WDR43: variants seen among roughly 807,000 people sequenced by gnomAD.
The protein encoded by WDR43 is WD repeat domain 43.
WDR43 carries 13 observed loss-of-function variants against 91.4 expected under a neutral mutation model. The observed-to-expected ratio is 0.14, with a 90% CI of 0.09 to 0.23. WDR43 has a LOEUF of 0.23. WDR43 is among the 10% of genes least tolerant of loss of function. WDR43 has a pLI of 1.00. For missense variants in WDR43, 780 were observed against 809.4 expected, an observed-to-expected ratio of 0.96 and a Z score of 0.44; for synonymous variants, 331 against 287.9, an observed-to-expected ratio of 1.15 and a Z score of -1.51.
intron 9 of WDR43, 157 bp from the exon 10 acceptor site, chr2:28,927,412 C>A: frequency 1.1e-6 from 1 of 931,984 alleles, no homozygotes. Flanking sequence ...AAAAGTTTGT[C>A]AACATTCAAT....
rs1229618605 is a variant in WDR43, at chr2:28,946,761, T to C, written c.2016T>C (p.Asn672=). 6.3e-7 allele frequency: 1 copy of C among 1,580,800 alleles called. No homozygotes were observed. The highest frequency in any genetic ancestry group is 8.6e-7 in the Non-Finnish European group (1 of 1,164,678). Residue 672 remains asparagine, a synonymous_variant, in exon 18 of 18, where the codon AAT becomes AAC. Transcript: ENST00000407426. The part of the protein sequence containing the change: ...LNGDSDLDPE[N]ESEEE ...GAGATTCTGATTTAGATCCTGAAAA[T>C]GAAAGTGAAGAAGAATGAAGACAGC...
At chr2:28,898,681 G>A (rs538971156) in intron 1 of WDR43, among the ~76,000 whole-genome samples, 4 of 151,912 alleles carry the variant, frequency 2.6e-5, no homozygotes, top group African/African-American at 9.7e-5. Flanking sequence ...AATAAACTTA[G>A]TGGATTGTAA....
chr2:28,916,505 T>G (rs1237398829), intron 5 of WDR43, among the ~76,000 whole-genome samples: 1 of 152,230 alleles, frequency 6.6e-6, no homozygotes, highest in African/African-American at 2.4e-5. Flanking sequence ...GCTGGGATGT[T>G]AAGATTCATG....
intron 1 of WDR43, among the ~76,000 whole-genome samples, chr2:28,896,354 T>C (rs951688492): frequency 4.6e-5 from 7 of 152,178 alleles, no homozygotes; most frequent in African/African-American, 1.4e-4. Context: ...ATCTTCTTCA[T>C]AGAGTGGTTG....
intron 5 of WDR43, among the ~76,000 whole-genome samples, chr2:28,915,607 G>C (rs1405722023): frequency 6.6e-6 from 1 of 152,208 alleles, no homozygotes; most frequent in Non-Finnish European, 1.5e-5. Flanking sequence ...AAAGGAAAAT[G>C]TTAAAACCCA....
intron 6 of WDR43, among the ~76,000 whole-genome samples, chr2:28,918,445 CACG>C (rs1215960092): frequency 3.3e-5 from 5 of 151,836 alleles, no homozygotes; most frequent in Non-Finnish European, 7.4e-5. Context: ...CGCGACTAAC[CACG>C]ACCTCTGCCT....
intron 4 of WDR43, chr2:28,913,864 A>G (rs1200486360): frequency 1.6e-5 from 11 of 695,940 alleles, no homozygotes; most frequent in Non-Finnish European, 2.8e-5. Context: ...CTAAATTTTC[A>G]GTATTTTCAG....
intron 4 of WDR43, chr2:28,913,710 A>G (rs1490113117): frequency 9.5e-6 from 5 of 528,148 alleles, no homozygotes; most frequent in Admixed American, 7.7e-5. Context: ...CACTGAGAGT[A>G]AAATGAGGAC....
Position 28,936,890 on chromosome 2 carries a change from G to A in WDR43, c.1525-32G>A, listed in dbSNP as rs577441421. On this transcript the variant is annotated intron_variant, in intron 12 of 17. Coordinates refer to ENST00000407426, the MANE Select transcript of WDR43 (RefSeq NM_015131.3). ...TGACAGCATTGGTTGCCTCTGAAGT[G>A]CTGTTGTTAATAGTGTTTTTCTCTC... is the stretch of plus-strand genomic sequence containing the variant. 1.0e-5 allele frequency: 16 copies of A among 1,558,484 alleles called. 1 individual carries two copies. In the African/African-American group the frequency reaches 1.5e-4, roughly 15 times the overall value.
At chr2:28,906,422 G>T in intron 2 of WDR43, 38 bp from the exon 3 acceptor site, 2 of 1,512,306 alleles carry the variant, frequency 1.3e-6, no homozygotes, top group South Asian at 2.5e-5. Context: ...AGGAGTTTGA[G>T]ACCAGCCTTA....
chr2:28,933,565 G>A (rs1671286919), intron 11 of WDR43, among the ~76,000 whole-genome samples: 1 of 152,150 alleles, frequency 6.6e-6, no homozygotes, highest in Non-Finnish European at 1.5e-5. Flanking sequence ...TCTGTTCTTG[G>A]AAAAACAGTG....
intron 14 of WDR43, among the ~76,000 whole-genome samples, chr2:28,940,536 G>A (rs973183754): frequency 1.3e-5 from 2 of 152,128 alleles, no homozygotes; most frequent in African/African-American, 2.4e-5. Flanking sequence ...AGCTGCCAGC[G>A]TTGTTCTTAG....
intron 12 of WDR43, 129 bp from the exon 13 acceptor site, chr2:28,936,791 CTG>C: frequency 1.3e-6 from 1 of 796,994 alleles, no homozygotes; most frequent in Non-Finnish European, 2.1e-6. Flanking sequence ...TATTCATAGA[CTG>C]TATTATGCGG....
intron 6 of WDR43, among the ~76,000 whole-genome samples, chr2:28,920,221 T>TTTC (rs1670996384): frequency 2.0e-5 from 2 of 101,184 alleles, no homozygotes; most frequent in South Asian, 6.3e-4. Flanking sequence ...ATTTTTTTTC[T>TTTC]TTCTTTTTTT....
At chr2:28,940,725 A>G (rs773528569) in intron 14 of WDR43, among the ~76,000 whole-genome samples, 11 of 152,164 alleles carry the variant, frequency 7.2e-5, no homozygotes, top group Non-Finnish European at 1.5e-4. Context: ...TTCCTTTCAT[A>G]TTGTTAAAAA....
intron 6 of WDR43, among the ~76,000 whole-genome samples, chr2:28,918,895 G>T (rs1670966909): frequency 6.6e-6 from 1 of 152,034 alleles, no homozygotes; most frequent in Non-Finnish European, 1.5e-5. Flanking sequence ...ATTTAGTTTT[G>T]AAATGCATAT....
At chr2:28,922,814 TCTG>T in intron 6 of WDR43, 102 bp from the exon 7 acceptor site, 1 of 472,702 alleles carries the variant, frequency 2.1e-6, no homozygotes, top group Non-Finnish European at 3.4e-6. Context: ...TTTTTTTTTT[TCTG>T]GTTGTGTAAT....
At chr2:28,896,489 A>G (rs1274134849) in intron 1 of WDR43, among the ~76,000 whole-genome samples, 1 of 152,226 alleles carries the variant, frequency 6.6e-6, no homozygotes, top group African/African-American at 2.4e-5. Context: ...GTTGATAAGG[A>G]ACTTTCTGCC....
rs1485607287 is a variant in WDR43 at position 28,946,892 on chromosome 2, G to A, written c.*113G>A. The A allele has an allele frequency of 3.2e-6, 4 of 1,260,906 alleles. No individual in the cohort carries two copies. The Admixed American group carries it at 1.2e-4, about 36-fold the overall frequency. The allele number at this position is 1,260,906 out of a possible 1,614,324, so 78.1% of individuals were successfully genotyped here. A position where few individuals can be genotyped will look rare whatever the true frequency, so the allele number is the denominator to read the frequency against. ...ACCGCTGCACATTTCCAAATTCACA[G>A]CAGTGGATCCCATGCCACTTTGCTG... On this transcript the variant is annotated 3_prime_UTR_variant, in exon 18 of 18. Coordinates refer to ENST00000407426, the MANE Select transcript of WDR43 (RefSeq NM_015131.3).
Sources: gnomAD v4.1 joint callset for allele counts (sites outside exome capture counted in the v4.1 genomes callset) on GRCh38, gnomAD v4.1.1 for gene constraint, MANE v1.5 for transcripts, NCBI Gene and HGNC (gene_info 2026-07-23, HGNC 2026-07-21) for gene names.